RERE: variants seen among roughly 807,000 people sequenced by gnomAD.
RERE encodes arginine-glutamic acid dipeptide repeats.
Under a neutral mutation model 146.1 loss-of-function variants are expected in RERE, and 40 were observed. That is an observed-to-expected ratio of 0.27 (90% confidence interval 0.21 to 0.36). The LOEUF is 0.36. Among genes scored for constraint, RERE ranks in the 10% least tolerant of loss-of-function variants. RERE has a pLI of 1.00. For missense variants in RERE, 1,933 were observed against 2,138.7 expected, an observed-to-expected ratio of 0.90 and a Z score of 1.90; for synonymous variants, 1,003 against 866.0, an observed-to-expected ratio of 1.16 and a Z score of -2.78.
intron 12 of RERE, among the ~76,000 whole-genome samples, chr1:8,406,000 A>AC (rs997984573): frequency 6.6e-6 from 1 of 152,006 alleles, no homozygotes; most frequent in South Asian, 2.1e-4. Flanking sequence ...CTAAAAACAG[A>AC]CCCCTTCCCT....
At chr1:8,366,082 A>T in intron 12 of RERE, 108 bp from the exon 13 acceptor site, 1 of 1,172,378 alleles carries the variant, frequency 8.5e-7, no homozygotes, top group South Asian at 1.5e-5. Flanking sequence ...TGTGCCAGAG[A>T]TGAGAATAAA....
chr1:8,553,855 T>C (rs1441000174), intron 6 of RERE, among the ~76,000 whole-genome samples: 1 of 152,182 alleles, frequency 6.6e-6, no homozygotes, highest in Admixed American at 6.5e-5. Context: ...TGGAATTATT[T>C]AGGATAACTT....
At chr1:8,564,826 A>G (rs867662469) in intron 4 of RERE, among the ~76,000 whole-genome samples, 1,596 of 117,856 alleles carry the variant, frequency 0.014, 14 homozygotes, top group Non-Finnish European at 0.02. Flanking sequence ...GTGTGTGTAT[A>G]TGTGTATGTG....
At chr1:8,600,973 C>A in intron 4 of RERE, among the ~76,000 whole-genome samples, 1 of 142,834 alleles carries the variant, frequency 7.0e-6, no homozygotes, top group East Asian at 2.1e-4. Flanking sequence ...CCAAGATGGT[C>A]TCTATCTCCT....
intron 11 of RERE, chr1:8,465,128 C>G (rs1206761247): frequency 6.5e-6 from 1 of 152,688 alleles, no homozygotes; most frequent in Non-Finnish European, 1.5e-5. Context: ...TGCAAAAGCA[C>G]AAGAAATCCG....
At chr1:8,440,994 G>A (rs1467694760) in intron 11 of RERE, among the ~76,000 whole-genome samples, 6 of 121,118 alleles carry the variant, frequency 5.0e-5, no homozygotes, top group Non-Finnish European at 9.7e-5. Flanking sequence ...GCTCATGCAG[G>A]TTTTTTGTTT....
At position 8,359,835 on chromosome 1, in the gene RERE, C is replaced by T. The variant is rs555318902; in HGVS notation, c.3547G>A (p.Glu1183Lys). The change falls in exon 19 of 23, where the codon GAG becomes AAG. Residue 1183 changes from glutamate (E) to lysine (K), a missense_variant. Around this residue, in one of 11 missense-constraint regions of RERE, gnomAD observed 1,255 missense variants for 1,153.8 expected, o/e 1.09. Coordinates refer to ENST00000400908, the MANE Select transcript of RERE (RefSeq NM_001042681.2). Reference protein sequence around the residue: ...EAEQKAREEREREKEKEKERE... With the variant: ...EAEQKAREERKREKEKEKERE... ...TCCTTCTCCTTCTCCTTCTCCCGCT[C>T]TCGCTCCTCTCGGGCTTTCTGCTCA... is the stretch of plus-strand genomic sequence containing the variant. 6.2e-7 allele frequency: 1 copy of T among 1,609,782 alleles called. No individual in the cohort carries two copies. Among genetic ancestry groups the T allele is most frequent in the Admixed American group, 1.7e-5 (1 of 60,018 alleles).
intron 1 of RERE, among the ~76,000 whole-genome samples, chr1:8,675,357 A>G (rs1226127304): frequency 6.6e-6 from 1 of 152,080 alleles, no homozygotes; most frequent in Non-Finnish European, 1.5e-5. Flanking sequence ...ATCAGAGAGT[A>G]TCAGAATTGT....
At chr1:8,707,253 G>A (rs1307466697) in intron 1 of RERE, among the ~76,000 whole-genome samples, 1 of 152,180 alleles carries the variant, frequency 6.6e-6, no homozygotes, top group East Asian at 1.9e-4. Context: ...CAAGTGAGCT[G>A]ACATCTGACT....
At chr1:8,640,423 T>G (rs1647162038) in intron 2 of RERE, among the ~76,000 whole-genome samples, 1 of 152,204 alleles carries the variant, frequency 6.6e-6, no homozygotes, top group African/African-American at 2.4e-5. Context: ...TACCTTTGCC[T>G]TTTAAAGTTT....
chr1:8,465,706 C>A (rs1244812868), intron 11 of RERE: 3 of 632,570 alleles, frequency 4.7e-6, no homozygotes, highest in South Asian at 4.6e-5. Context: ...GAAAGTTGGA[C>A]AATCTTTCCC....
intron 20 of RERE, among the ~76,000 whole-genome samples, chr1:8,357,454 T>C (rs191824294): frequency 2.0e-5 from 3 of 152,296 alleles, no homozygotes; most frequent in Admixed American, 1.3e-4. Flanking sequence ...CTATCAGTCA[T>C]CCTGCCCCAC....
intron 1 of RERE, among the ~76,000 whole-genome samples, chr1:8,789,391 T>C (rs1641323366): frequency 6.7e-6 from 1 of 149,204 alleles, no homozygotes; most frequent in African/African-American, 2.5e-5. Flanking sequence ...TTATCTGTCC[T>C]GTGGCTACTA....
chr1:8,361,793 G>C lies in RERE; in HGVS notation c.1986C>G (p.Asp662Glu), dbSNP rs368894680. Residue 662 changes from aspartate to glutamate, a missense_variant, in exon 17 of 23, where the codon GAC (aspartate) becomes GAG (glutamate). Around this residue, in one of 11 missense-constraint regions of RERE, gnomAD observed 1,255 missense variants for 1,153.8 expected, o/e 1.09. Transcript: ENST00000400908. ...TTTTTGTCTTCTTGGAGCTGGTCCTGTCAGCCTCCTCCGTATCAGAGGCCA... is the reference window on the plus strand; with the variant it reads ...TTTTTGTCTTCTTGGAGCTGGTCCTCTCAGCCTCCTCCGTATCAGAGGCCA... ...EKVASDTEEA[D>E]RTSSKKTKTQ... 5 of 1,613,946 alleles carry C rather than the reference G, an allele frequency of 3.1e-6. No homozygotes were observed. The highest frequency in any genetic ancestry group is 2.2e-5 in the South Asian group (2 of 91,084).
intron 11 of RERE, among the ~76,000 whole-genome samples, chr1:8,438,615 C>G (rs1179168419): frequency 6.6e-6 from 1 of 152,096 alleles, no homozygotes; most frequent in African/African-American, 2.4e-5. Flanking sequence ...GAGAGCTGGG[C>G]TCTGATTCAA....
At chr1:8,672,302 T>A (rs1026173527) in intron 1 of RERE, among the ~76,000 whole-genome samples, 3 of 151,868 alleles carry the variant, frequency 2.0e-5, no homozygotes, top group Non-Finnish European at 4.4e-5. Flanking sequence ...ACCTCCAGAG[T>A]AGCTGGGACT....
Position 8,472,781 on chromosome 1 carries a change from C to T in RERE, c.1105-6758G>A, listed in dbSNP as rs571207706. On this transcript the variant is annotated intron_variant, in intron 10 of 22. Transcript: ENST00000400908. The stretch of plus-strand genomic sequence containing the variant: ...ACTTAGATCTTATGCTGCCCCCACG[C>T]AACCACTATAGCAGGATGTCATTCA... Among the ~76,000 whole-genome samples, 4 of 151,966 alleles carry T rather than the reference C, an allele frequency of 2.6e-5. No individual in the cohort carries two copies. In the South Asian group the frequency reaches 8.3e-4, roughly 32 times the overall value.
chr1:8,788,140 AG>A (rs1323271513), intron 1 of RERE, among the ~76,000 whole-genome samples: 1 of 152,118 alleles, frequency 6.6e-6, no homozygotes, highest in Non-Finnish European at 1.5e-5. Context: ...ATGTACAAGA[AG>A]TTTATGGTTG....
At chr1:8,657,589 G>A (rs1638352769) in intron 1 of RERE, among the ~76,000 whole-genome samples, 1 of 152,176 alleles carries the variant, frequency 6.6e-6, no homozygotes, top group Non-Finnish European at 1.5e-5. Context: ...GCTCACACCT[G>A]TAATCACAGC....
Sources: gnomAD v4.1 joint callset for allele counts (sites outside exome capture counted in the v4.1 genomes callset) on GRCh38, gnomAD v4.1.1 for gene constraint, gnomAD v4.1.1 regional missense constraint, MANE v1.5 for transcripts, NCBI Gene and HGNC (gene_info 2026-07-23, HGNC 2026-07-21) for gene names.